Variants in NECAB3 observed in about 807,000 individuals in gnomAD.
The protein encoded by NECAB3 is N-terminal EF-hand calcium binding protein 3.
In NECAB3, 38 loss-of-function variants were observed where a neutral mutation model predicts 57.2. That is an observed-to-expected ratio of 0.66 (90% CI 0.51 to 0.87). The LOEUF is 0.87. Ranked by LOEUF, NECAB3 falls within the 40% of genes least tolerant of loss-of-function variation. The probability of loss-of-function intolerance (pLI) is 0.00; values close to 1 mark genes in which losing one functional copy is unlikely to be tolerated. For missense variants in NECAB3, 474 were observed against 527.5 expected, an observed-to-expected ratio of 0.90 and a Z score of 0.99; for synonymous variants, 223 against 222.6, an observed-to-expected ratio of 1.00 and a Z score of -0.02.
At position 33,669,732 on chromosome 20, in the gene NECAB3, C is replaced by T. The variant is rs1004181241; in HGVS notation, c.264-20G>A. On this transcript the variant is annotated intron_variant, in intron 3 of 11. Coordinates refer to ENST00000246190, the MANE Select transcript of NECAB3 (RefSeq NM_031232.4). ...AAATTGCTGCAGGGAAAAGAGAAGG[C>T]GCCCTTCAGACCTGGGCCTGGTAAA... 11 of 1,584,434 alleles carry T rather than the reference C, an allele frequency of 6.9e-6. No individual in the cohort carries two copies. The highest frequency in any genetic ancestry group is 2.7e-5 in the African/African-American group (2 of 74,326).
chr20:33,663,499 C>T, intron 5 of NECAB3: 7 of 1,591,158 alleles, frequency 4.4e-6, no homozygotes, highest in Non-Finnish European at 6.0e-6. Flanking sequence ...CCCTAGCGCG[C>T]TCTCCCGCCT....
rs1000357529 is a variant in NECAB3 at position 33,667,458 on chromosome 20, G to A, written c.387+1917C>T. 8.4e-6 allele frequency: 12 copies of A among 1,425,802 alleles called. No homozygotes were observed. The South Asian group carries it at 1.0e-4, about 12-fold the overall frequency. The allele number at this position is 1,425,802 out of a possible 1,614,324, so 88.3% of individuals were successfully genotyped here. The stretch of plus-strand genomic sequence containing the variant: ...CGCCCGCGGGCCGCGAAAGGGTGGC[G>A]GAGCTGCTGTTCGAGACCCTGGCAG... On this transcript the variant is annotated intron_variant, in intron 5 of 11. Coordinates refer to ENST00000246190, the MANE Select transcript of NECAB3 (RefSeq NM_031232.4).
intron 2 of NECAB3, among the ~76,000 whole-genome samples, 158 bp from the exon 3 acceptor site, chr20:33,670,950 G>A (rs1262505095): frequency 6.6e-6 from 1 of 152,290 alleles, no homozygotes; most frequent in Middle Eastern, 3.4e-3. Context: ...CTGACTGTTG[G>A]GGACAAAAGG....
Position 33,674,204 on chromosome 20 carries a change from C to G in NECAB3, c.129+20G>C. ...GACTCGGGTAGGGAGACACCGCGAG[C>G]AGAGCCCGCGCCCACTCACGTCCTG... On this transcript the variant is annotated intron_variant, in intron 1 of 11. Transcript: ENST00000246190. 2 of 1,257,430 alleles carry G rather than the reference C, an allele frequency of 1.6e-6. No individual in the cohort carries two copies. The highest frequency in any genetic ancestry group is 2.0e-6 in the Non-Finnish European group (2 of 1,001,186). The allele number at this position is 1,257,430 out of a possible 1,614,324, so 77.9% of individuals were successfully genotyped here.
intron 5 of NECAB3, chr20:33,662,275 A>G (rs1272753680): frequency 4.6e-6 from 7 of 1,529,314 alleles, no homozygotes; most frequent in Admixed American, 2.0e-5. Flanking sequence ...TGAGGTCACA[A>G]TGTTGCCAGG....
Position 33,667,073 on chromosome 20 carries a change from C to T in NECAB3, c.387+2302G>A, listed in dbSNP as rs1239263514. On this transcript the variant is annotated intron_variant, in intron 5 of 11. Coordinates refer to ENST00000246190, the MANE Select transcript of NECAB3 (RefSeq NM_031232.4). ...GGAGCCTTCAGCCCCGCGGCTGGGCCGAGCCCGAAGGTGGCGTCGGTGTCG... is the reference window on the plus strand; with the variant it reads ...GGAGCCTTCAGCCCCGCGGCTGGGCTGAGCCCGAAGGTGGCGTCGGTGTCG... 3 of 168,414 alleles carry T rather than the reference C, an allele frequency of 1.8e-5. No individual in the cohort carries two copies. In the East Asian group the frequency reaches 4.8e-4, roughly 27 times the overall value. 10.4% of individuals were successfully genotyped at this position (168,414 alleles called of 1,614,324 possible).
intron 5 of NECAB3, among the ~76,000 whole-genome samples, chr20:33,661,221 G>C (rs2017466589): frequency 6.6e-6 from 1 of 152,184 alleles, no homozygotes; most frequent in South Asian, 2.1e-4. Flanking sequence ...CTATCGTCAA[G>C]TGTAATACAA....
chr20:33,665,419 TGAG>T (rs1453188272), intron 5 of NECAB3: 1 of 152,328 alleles, frequency 6.6e-6, no homozygotes, highest in Admixed American at 6.6e-5. Flanking sequence ...TGCAGTGAGC[TGAG>T]ATCACACCAC....
intron 5 of NECAB3, chr20:33,668,148 C>T (rs1278604131): frequency 3.1e-6 from 5 of 1,612,416 alleles, no homozygotes; most frequent in African/African-American, 1.3e-5. Context: ...CCATGGTGGC[C>T]TCCCTGCACT....
chr20:33,663,363 C>T, intron 5 of NECAB3: 1 of 681,004 alleles, frequency 1.5e-6, no homozygotes, highest in South Asian at 2.1e-5. Flanking sequence ...TCCCCGCGGC[C>T]TGAATTGGAC....
In NECAB3 at chr20:33,660,180, T is replaced by C. The variant is rs1186872942; in HGVS notation, c.524+79A>G. On this transcript the variant is annotated intron_variant, in intron 6 of 11. Transcript: ENST00000246190. This position sits in a 1 kb window ranked among gnomAD's most constrained non-coding sequence, Gnocchi z 4.1. ...CCCGAAAATGCAGGCTCCAGGATGC[T>C]GGGACTGTGGGGATTTGGAATGGGG... 3 of 1,569,178 alleles carry C rather than the reference T, an allele frequency of 1.9e-6. No homozygotes were observed. Among genetic ancestry groups the C allele is most frequent in the Non-Finnish European group, 1.7e-6 (2 of 1,154,678 alleles).
At chr20:33,666,146 A>C (rs1012961924) in intron 5 of NECAB3, among the ~76,000 whole-genome samples, 1 of 152,216 alleles carries the variant, frequency 6.6e-6, no homozygotes, top group Admixed American at 6.5e-5. Flanking sequence ...CATCCGTGGA[A>C]GCCCATAAAG....
chr20:33,663,767 T>A lies in NECAB3; in HGVS notation c.388-3372A>T, dbSNP rs751530722. The stretch of plus-strand genomic sequence containing the variant: ...AGGGCAGCTCTGAGCTGGCCGCGGC[T>A]GCTCTCGCGCTTCCGGTCCCCGGGG... On this transcript the variant is annotated intron_variant, in intron 5 of 11. Coordinates refer to ENST00000246190, the MANE Select transcript of NECAB3 (RefSeq NM_031232.4). 56 of 1,389,250 alleles carry A rather than the reference T, an allele frequency of 4.0e-5. 1 individual carries two copies. The Admixed American group carries it at 1.5e-3, about 38-fold the overall frequency. 86.1% of individuals were successfully genotyped at this position (1,389,250 alleles called of 1,614,324 possible). A position where few individuals can be genotyped will look rare whatever the true frequency, so the allele number is the denominator to read the frequency against.
rs761236105 is a variant in NECAB3, at chr20:33,670,751, C to T, written c.196G>A (p.Ala66Thr). ...LSFEEFQNYF[A>T]DGVLSLGELQ... ...TCCCCCAGGCTGAGAACCCCATCGG[C>T]AAAGTAATTCTGGAATTCCTCAAAT... Residue 66 changes from alanine to threonine, a missense_variant, in exon 3 of 12, where the codon GCC becomes ACC. Coordinates refer to ENST00000246190, the MANE Select transcript of NECAB3 (RefSeq NM_031232.4). 6.2e-7 allele frequency: 1 copy of T among 1,613,666 alleles called. No homozygotes were observed. The highest frequency in any genetic ancestry group is 1.7e-5 in the Admixed American group (1 of 59,996).
chr20:33,659,843 G>A (rs1568892283), intron 7 of NECAB3, 42 bp downstream of exon 7: 17 of 1,536,972 alleles, frequency 1.1e-5, no homozygotes, highest in Non-Finnish European at 1.4e-5. Context: ...GGGGGATGCG[G>A]TGCCTGCCTC....
At chr20:33,662,457 C>T (rs955531744) in intron 5 of NECAB3, 7 of 1,551,426 alleles carry the variant, frequency 4.5e-6, no homozygotes, top group Admixed American at 2.0e-5. Context: ...CCACCTCACT[C>T]GGAAGAAGCC....
chr20:33,663,434 C>G lies in NECAB3; in HGVS notation c.388-3039G>C, dbSNP rs2017544445. On this transcript the variant is annotated intron_variant, in intron 5 of 11. Transcript: ENST00000246190. ...CAGGACCCGGGTGGACGACAGGACCCGGGTGGACGAGGGTCCCAGGAGAAG... is the reference window on the plus strand; with the variant it reads ...CAGGACCCGGGTGGACGACAGGACCGGGGTGGACGAGGGTCCCAGGAGAAG... 4 of 1,316,384 alleles carry G rather than the reference C, an allele frequency of 3.0e-6. No homozygotes were observed. The African/African-American group carries it at 4.9e-5, about 16-fold the overall frequency. 81.5% of individuals were successfully genotyped at this position (1,316,384 alleles called of 1,614,324 possible). A position where few individuals can be genotyped will look rare whatever the true frequency, so the allele number is the denominator to read the frequency against.
chr20:33,667,867 C>T (rs1216439151), intron 5 of NECAB3: 1 of 1,602,888 alleles, frequency 6.2e-7, no homozygotes, highest in Non-Finnish European at 8.5e-7. Context: ...CTTCCGCTGC[C>T]CCGAACCCAT....
Position 33,674,376 on chromosome 20 carries a change from G to T in NECAB3, c.-24C>A. On this transcript the variant is annotated 5_prime_UTR_variant, in exon 1 of 12. Coordinates refer to ENST00000246190, the MANE Select transcript of NECAB3 (RefSeq NM_031232.4). ...ATGGCGCCGCCACCCGCTCGGGCTCGGCTGCGGTTGCTGCCGACCCTGGAC... is the reference window on the plus strand; with the variant it reads ...ATGGCGCCGCCACCCGCTCGGGCTCTGCTGCGGTTGCTGCCGACCCTGGAC... The T allele has an allele frequency of 8.6e-7, 1 of 1,162,208 alleles. No individual in the cohort carries two copies. The highest frequency in any genetic ancestry group is 1.6e-5 in the African/African-American group (1 of 61,814). The allele number at this position is 1,162,208 out of a possible 1,614,324, so 72.0% of individuals were successfully genotyped here.
Sources: allele counts gnomAD v4.1 joint callset (sites outside exome capture counted in the v4.1 genomes callset), GRCh38; gene constraint gnomAD v4.1.1; non-coding constraint Gnocchi (gnomAD v3.1); transcripts MANE v1.5; gene names NCBI Gene and HGNC (gene_info 2026-07-23, HGNC 2026-07-21).